The following SSBP2 variants were observed in gnomAD, a reference collection of about 807,000 sequenced individuals.
SSBP2 encodes the protein single stranded DNA binding protein 2, also known as single-stranded DNA-binding protein 2.
A neutral mutation model predicts 61.8 loss-of-function variants in SSBP2; 17 were observed. The observed-to-expected ratio is 0.28, with a 90% CI of 0.19 to 0.41. SSBP2 has a LOEUF of 0.41. SSBP2 is among the 10% of genes least tolerant of loss of function. SSBP2 has a pLI of 1.00. For synonymous variants in SSBP2, 139 were observed against 141.3 expected (o/e 0.98, Z 0.12); for missense variants, 310 against 458.7 (o/e 0.68, Z 2.96).
chr5:81,670,248 G>A (rs779920799), intron 1 of SSBP2, among the ~76,000 whole-genome samples: 5 of 152,142 alleles, frequency 3.3e-5, no homozygotes, highest in Non-Finnish European at 5.9e-5. Flanking sequence ...AAACGTGGAG[G>A]TAACACATGT....
intron 5 of SSBP2, among the ~76,000 whole-genome samples, chr5:81,506,386 C>G (rs988622720): frequency 2.0e-5 from 3 of 152,004 alleles, no homozygotes; most frequent in Admixed American, 2.0e-4. Context: ...TATATTAATG[C>G]TGTTAGATAT....
chr5:81,734,666 A>C (rs570037995), intron 1 of SSBP2, among the ~76,000 whole-genome samples: 3 of 152,298 alleles, frequency 2.0e-5, no homozygotes, highest in Non-Finnish European at 4.4e-5. Context: ...ACTTTATTCC[A>C]GTTCCCGAAA....
chr5:81,702,369 TCAAAAAAA>T (rs1420216681), intron 1 of SSBP2, among the ~76,000 whole-genome samples: 11 of 146,004 alleles, frequency 7.5e-5, no homozygotes, highest in South Asian at 2.1e-4. Flanking sequence ...GACTCCCATC[TCAAAAAAA>T]CAAACAAACA....
At chr5:81,469,672 A>G (rs1025479531) in intron 8 of SSBP2, among the ~76,000 whole-genome samples, 1 of 151,984 alleles carries the variant, frequency 6.6e-6, no homozygotes, top group Non-Finnish European at 1.5e-5. Context: ...TCCATGAATG[A>G]TGAGCTAGTT....
chr5:81,494,506 G>A (rs1297553646), intron 5 of SSBP2, among the ~76,000 whole-genome samples: 1 of 152,188 alleles, frequency 6.6e-6, no homozygotes, highest in East Asian at 1.9e-4. Flanking sequence ...GAGCCTTCAT[G>A]AATGGGATTA....
At chr5:81,511,042 T>C (rs1261153493) in intron 5 of SSBP2, among the ~76,000 whole-genome samples, 1 of 152,100 alleles carries the variant, frequency 6.6e-6, no homozygotes, top group Non-Finnish European at 1.5e-5. Context: ...CAGTTTTTCT[T>C]GGTCTCTCTC....
At chr5:81,653,685 T>A (rs1225108463) in intron 1 of SSBP2, among the ~76,000 whole-genome samples, 1 of 152,218 alleles carries the variant, frequency 6.6e-6, no homozygotes, top group Non-Finnish European at 1.5e-5. Context: ...GATTTGCATT[T>A]CTCTAATGTC....
intron 1 of SSBP2, among the ~76,000 whole-genome samples, chr5:81,720,993 C>T (rs1029820319): frequency 3.3e-5 from 5 of 151,914 alleles, no homozygotes; most frequent in African/African-American, 9.7e-5. Flanking sequence ...CTAGGTAATA[C>T]AATCAACATG....
intron 5 of SSBP2, among the ~76,000 whole-genome samples, chr5:81,507,518 T>C (rs1768270502): frequency 6.6e-6 from 1 of 152,136 alleles, no homozygotes; most frequent in South Asian, 2.1e-4. Context: ...CAAAATTAGA[T>C]ATTAACAGGT....
At chr5:81,524,821 C>G (rs542978646) in intron 4 of SSBP2, among the ~76,000 whole-genome samples, 2 of 152,168 alleles carry the variant, frequency 1.3e-5, no homozygotes, top group South Asian at 4.1e-4. Context: ...ATGGCACACA[C>G]TGCATCTTTT....
Position 81,502,151 on chromosome 5 carries a change from G to A in SSBP2, c.372+11477C>T, listed in dbSNP as rs1767843001. Among the ~76,000 whole-genome samples, 4 of 151,956 alleles carry A rather than the reference G, an allele frequency of 2.6e-5. No homozygotes were observed. The South Asian group carries it at 8.3e-4, about 32-fold the overall frequency. ...CAGCTTAACCTAGATCCACTTTTAT[G>A]AGGCTTTCACCCCCAGGACCACATT... On this transcript the variant is annotated intron_variant, in intron 5 of 16. Transcript: ENST00000320672.
intron 4 of SSBP2, among the ~76,000 whole-genome samples, chr5:81,543,135 G>A (rs986164102): frequency 2.0e-5 from 3 of 152,102 alleles, no homozygotes; most frequent in Non-Finnish European, 4.4e-5. Flanking sequence ...GATTACAGGC[G>A]TGAGCCACCC....
intron 4 of SSBP2, among the ~76,000 whole-genome samples, chr5:81,528,826 C>A (rs1770163417): frequency 6.6e-6 from 1 of 152,034 alleles, no homozygotes; most frequent in African/African-American, 2.4e-5. Flanking sequence ...TTATAACAAT[C>A]TTTAATCCAT....
At chr5:81,588,275 C>T (rs1346547694) in intron 4 of SSBP2, among the ~76,000 whole-genome samples, 1 of 152,002 alleles carries the variant, frequency 6.6e-6, no homozygotes, top group Non-Finnish European at 1.5e-5. Context: ...ATAACATGCA[C>T]CAGACACTTT....
In SSBP2 at chr5:81,595,836, G is replaced by A. The variant is rs564885083; in HGVS notation, c.282+19637C>T. On this transcript the variant is annotated intron_variant, in intron 4 of 16. Coordinates refer to ENST00000320672, the MANE Select transcript of SSBP2 (RefSeq NM_012446.5). ...TCAATAAATTAGGTATTGATGGGAC[G>A]TATTTCAAAATAATAAGAGCTATCT... Among the ~76,000 whole-genome samples the A allele has an allele frequency of 5.3e-5, 8 of 152,248 alleles. No homozygotes were observed. The East Asian group carries it at 1.2e-3, about 22-fold the overall frequency.
chr5:81,741,946 ATC>A (rs1421142232), intron 1 of SSBP2, among the ~76,000 whole-genome samples: 2 of 152,196 alleles, frequency 1.3e-5, no homozygotes, highest in African/African-American at 4.8e-5. Context: ...ATATATATGA[ATC>A]TCTCATTATA....
chr5:81,453,329 A>G (rs905383486), intron 10 of SSBP2, among the ~76,000 whole-genome samples: 2 of 152,032 alleles, frequency 1.3e-5, no homozygotes, highest in South Asian at 2.1e-4. Context: ...AAAAAAAGAG[A>G]TAGAGAAAGA....
Position 81,412,985 on chromosome 5 carries a change from A to G in SSBP2, c.*7519T>C, listed in dbSNP as rs1194922742. The G allele has an allele frequency of 2.0e-5, 3 of 152,192 alleles. No homozygotes were observed. The highest frequency in any genetic ancestry group is 2.9e-5 in the Non-Finnish European group (2 of 68,038). 9.4% of individuals were successfully genotyped at this position (152,192 alleles called of 1,614,324 possible). Reference sequence around the variant, plus strand: ...TATTAGAACCTCCTGAATTTTATATAAGGCATAATGTCTAATTCAATTATA... The same window carrying G: ...TATTAGAACCTCCTGAATTTTATATGAGGCATAATGTCTAATTCAATTATA... On this transcript the variant is annotated 3_prime_UTR_variant, in exon 17 of 17. Transcript: ENST00000320672.
chr5:81,617,106 G>C (rs1746147052), intron 3 of SSBP2, among the ~76,000 whole-genome samples: 1 of 76,762 alleles, frequency 1.3e-5, no homozygotes, highest in Non-Finnish European at 2.6e-5. Context: ...GATGGAGAAT[G>C]ATTTTGACGA....
Sources: gnomAD v4.1 joint callset for allele counts (sites outside exome capture counted in the v4.1 genomes callset) on GRCh38, gnomAD v4.1.1 for gene constraint, MANE v1.5 for transcripts, NCBI Gene and HGNC (gene_info 2026-07-23, HGNC 2026-07-21) for gene names.